Variants in GPC5 observed in about 807,000 individuals in gnomAD.
GPC5 encodes the protein glypican 5.
GPC5 carries 47 observed loss-of-function variants against 53.9 expected under a neutral mutation model. That is an observed-to-expected ratio of 0.87 (90% CI 0.69 to 1.11). GPC5 has a LOEUF of 1.11. Among genes scored for constraint, GPC5 ranks in the 50% most tolerant of loss-of-function variants. GPC5 has a pLI of 0.00. For missense variants in GPC5, 748 were observed against 713.1 expected (o/e 1.05, Z -0.56); for synonymous variants, 286 against 263.3 (o/e 1.09, Z -0.84).
At chr13:92,287,340 T>C (rs187040152) in intron 7 of GPC5, among the ~76,000 whole-genome samples, 51 of 152,308 alleles carry the variant, frequency 3.3e-4, no homozygotes, top group African/African-American at 1.2e-3. Context: ...TTGTGGTTGT[T>C]CTGTGGCGTG....
chr13:92,252,526 C>A (rs186897787), intron 7 of GPC5, among the ~76,000 whole-genome samples: 71 of 152,066 alleles, frequency 4.7e-4, no homozygotes, highest in African/African-American at 1.6e-3. Flanking sequence ...ACAATGATGA[C>A]TTCATTCTTG....
chr13:92,616,060 T>TCAAA (rs1345065838), intron 7 of GPC5, among the ~76,000 whole-genome samples: 2 of 151,382 alleles, frequency 1.3e-5, no homozygotes, highest in Admixed American at 6.6e-5. Context: ...TCTCAAAAAA[T>TCAAA]CAAACAAACA....
At chr13:91,404,958 C>A (rs963897637) in intron 1 of GPC5, among the ~76,000 whole-genome samples, 2 of 152,118 alleles carry the variant, frequency 1.3e-5, no homozygotes, top group African/African-American at 4.8e-5. Flanking sequence ...ATGAATGTAT[C>A]TTTATTTCCC....
intron 7 of GPC5, among the ~76,000 whole-genome samples, chr13:92,512,867 G>A (rs1476690006): frequency 6.6e-6 from 1 of 152,198 alleles, no homozygotes; most frequent in African/African-American, 2.4e-5. Flanking sequence ...CTGATCACTA[G>A]TAATAGGAGT....
At chr13:91,901,113 A>G (rs548549107) in intron 5 of GPC5, among the ~76,000 whole-genome samples, 189 of 152,170 alleles carry the variant, frequency 1.2e-3, no homozygotes, top group African/African-American at 4.3e-3. Flanking sequence ...TGACATCCAT[A>G]TCATAAAATA....
chr13:91,905,299 C>G (rs1442917900), intron 5 of GPC5, among the ~76,000 whole-genome samples: 1 of 151,718 alleles, frequency 6.6e-6, no homozygotes, highest in East Asian at 1.9e-4. Context: ...CTCTCTCTAT[C>G]TCTCTCTATA....
Position 92,505,757 on chromosome 13 carries a change from A to G in GPC5, c.1562-360525A>G, listed in dbSNP as rs956606765. On this transcript the variant is annotated intron_variant, in intron 7 of 7. Transcript: ENST00000377067. ...AAGCAAATTATGATACATCCCGACT[A>G]TAGAATACTACTAAACAATTAAAAT... 2.6e-5 allele frequency among the ~76,000 whole-genome samples: 4 copies of G among 152,176 alleles called. No homozygotes were observed. In the East Asian group the frequency reaches 7.7e-4, roughly 29 times the overall value.
At chr13:92,430,612 C>T (rs770508665) in intron 7 of GPC5, among the ~76,000 whole-genome samples, 31 of 152,052 alleles carry the variant, frequency 2.0e-4, no homozygotes, top group Non-Finnish European at 3.7e-4. Flanking sequence ...TTCATGCCCA[C>T]GTTACAGGTA....
chr13:92,279,858 T>C (rs1203035526), intron 7 of GPC5, among the ~76,000 whole-genome samples: 5 of 152,120 alleles, frequency 3.3e-5, no homozygotes, highest in Non-Finnish European at 5.9e-5. Flanking sequence ...TCATAAGAAA[T>C]ATTTTTCTGT....
At chr13:92,428,844 A>T (rs1465061286) in intron 7 of GPC5, among the ~76,000 whole-genome samples, 1 of 152,078 alleles carries the variant, frequency 6.6e-6, no homozygotes, top group Non-Finnish European at 1.5e-5. Flanking sequence ...ATTAAACAAA[A>T]ATATATATAG....
intron 3 of GPC5, among the ~76,000 whole-genome samples, chr13:91,725,887 AC>A (rs1477560996): frequency 6.6e-6 from 1 of 152,102 alleles, no homozygotes; most frequent in African/African-American, 2.4e-5. Flanking sequence ...CTTGCCTCAA[AC>A]CCTATGACAA....
intron 2 of GPC5, among the ~76,000 whole-genome samples, chr13:91,528,717 A>G (rs917268431): frequency 2.0e-5 from 3 of 152,198 alleles, no homozygotes; most frequent in African/African-American, 7.2e-5. Context: ...AGAGTCAGTA[A>G]CTTAGAAAGG....
chr13:92,700,732 G>A (rs970054408), intron 7 of GPC5, among the ~76,000 whole-genome samples: 1 of 151,972 alleles, frequency 6.6e-6, no homozygotes, highest in African/African-American at 2.4e-5. Flanking sequence ...CTTGTCTCCA[G>A]CTTTTCTCTG....
intron 7 of GPC5, among the ~76,000 whole-genome samples, chr13:92,649,931 C>T (rs1885899471): frequency 6.6e-6 from 1 of 152,036 alleles, no homozygotes. Flanking sequence ...GTCCATTGTA[C>T]TCATTTTATG....
intron 7 of GPC5, chr13:92,709,489 G>A (rs559415254): frequency 2.0e-5 from 3 of 152,234 alleles, no homozygotes; most frequent in Admixed American, 6.5e-5. Context: ...TTTTACTCAC[G>A]TTTCATGTTA....
At chr13:91,525,143 A>G (rs1375831160) in intron 2 of GPC5, among the ~76,000 whole-genome samples, 1 of 152,188 alleles carries the variant, frequency 6.6e-6, no homozygotes, top group Non-Finnish European at 1.5e-5. Flanking sequence ...ATACAAACGA[A>G]CTATGTATTT....
chr13:92,733,018 G>A (rs1888848148), intron 7 of GPC5, among the ~76,000 whole-genome samples: 1 of 151,490 alleles, frequency 6.6e-6, no homozygotes, highest in Non-Finnish European at 1.5e-5. Flanking sequence ...ATTTCTTTCT[G>A]CTGTTTCTTG....
chr13:92,476,803 C>T (rs1483284119), intron 7 of GPC5, among the ~76,000 whole-genome samples: 1 of 145,094 alleles, frequency 6.9e-6, no homozygotes, highest in Non-Finnish European at 1.5e-5. Context: ...AACAAAAAAC[C>T]AAACACCGCA....
intron 2 of GPC5, among the ~76,000 whole-genome samples, chr13:91,542,279 C>T (rs1411880882): frequency 6.6e-6 from 1 of 152,080 alleles, no homozygotes; most frequent in Admixed American, 6.6e-5. Context: ...ATCCAGGCTT[C>T]TCCTATCTCA....
Sources: allele counts gnomAD v4.1 joint callset (sites outside exome capture counted in the v4.1 genomes callset), GRCh38; gene constraint gnomAD v4.1.1; transcripts MANE v1.5; gene names NCBI Gene and HGNC (gene_info 2026-07-23, HGNC 2026-07-21).